The following UBE2E2 variants were observed in gnomAD, a reference collection of about 807,000 sequenced individuals.
UBE2E2 encodes ubiquitin-conjugating enzyme E2 E2.
UBE2E2 carries 6 observed loss-of-function variants against 24.7 expected under a neutral mutation model. The ratio of observed to expected loss-of-function variants is 0.24; its 90% CI spans 0.13 to 0.48. The LOEUF is 0.48. Among genes scored for constraint, UBE2E2 ranks in the 20% least tolerant of loss-of-function variants. The probability of loss-of-function intolerance (pLI) is 0.99; values close to 1 mark genes in which losing one functional copy is unlikely to be tolerated. For synonymous variants in UBE2E2, 104 were observed against 83.6 expected, an observed-to-expected ratio of 1.24 and a Z score of -1.33; for missense variants, 169 against 245.0, an observed-to-expected ratio of 0.69 and a Z score of 2.07.
At chr3:23,216,395 T>C (rs1304684940) in intron 2 of UBE2E2, among the ~76,000 whole-genome samples, 1 of 152,174 alleles carries the variant, frequency 6.6e-6, no homozygotes, top group Admixed American at 6.6e-5. Context: ...TAATCAGTTA[T>C]TATTGATATA....
rs140216878 is a variant in UBE2E2 at position 23,548,753 on chromosome 3, CAGA to C, written c.508+16055_508+16057del. ...ACTCAGTAAAATATTTAAAAACAAA[CAGA>C]AGGACTTCCAAGCCATATTTTTTAT... On this transcript the variant is annotated intron_variant, in intron 5 of 5. Transcript: ENST00000396703. Among the ~76,000 whole-genome samples, 1,013 of 152,230 alleles carry C rather than the reference CAGA, an allele frequency of 6.7e-3. 12 individuals carry two copies. The highest frequency in any genetic ancestry group is 0.023 in the African/African-American group (972 of 41,530).
intron 3 of UBE2E2, among the ~76,000 whole-genome samples, chr3:23,423,747 T>C (rs1032429954): frequency 7.2e-5 from 11 of 152,224 alleles, no homozygotes; most frequent in Non-Finnish European, 1.2e-4. Context: ...ATGGAGTCTT[T>C]ATTATGATAC....
At chr3:23,241,312 C>T (rs1697253512) in intron 3 of UBE2E2, among the ~76,000 whole-genome samples, 2 of 152,214 alleles carry the variant, frequency 1.3e-5, no homozygotes, top group South Asian at 2.1e-4. Context: ...TTGCCACACC[C>T]TCCCAACAGG....
intron 2 of UBE2E2, among the ~76,000 whole-genome samples, chr3:23,211,685 T>C (rs537856582): frequency 6.6e-6 from 1 of 152,264 alleles, no homozygotes; most frequent in African/African-American, 2.4e-5. Flanking sequence ...CATGAACCAC[T>C]GTGCCTAGCC....
At chr3:23,482,768 TA>T (rs1435479843) in intron 3 of UBE2E2, among the ~76,000 whole-genome samples, 1 of 152,186 alleles carries the variant, frequency 6.6e-6, no homozygotes, top group Admixed American at 6.5e-5. Flanking sequence ...AGGAAAAAAG[TA>T]AGTAGAGCAA....
chr3:23,523,801 A>T (rs1004653009), intron 4 of UBE2E2, among the ~76,000 whole-genome samples: 23 of 148,646 alleles, frequency 1.5e-4, no homozygotes, highest in Non-Finnish European at 2.5e-4. Flanking sequence ...TTAAGAAAAG[A>T]GCACTTGAAA....
chr3:23,463,861 C>T (rs753642400), intron 3 of UBE2E2, among the ~76,000 whole-genome samples: 2 of 152,140 alleles, frequency 1.3e-5, no homozygotes, highest in Non-Finnish European at 2.9e-5. Flanking sequence ...GGTCCTCAGT[C>T]TTCCACTCAA....
At chr3:23,572,036 A>G (rs961199621) in intron 5 of UBE2E2, among the ~76,000 whole-genome samples, 1 of 152,198 alleles carries the variant, frequency 6.6e-6, no homozygotes, top group Admixed American at 6.5e-5. Context: ...GGGATAGTTA[A>G]TACCTCTTTT....
rs975983681 is a variant in UBE2E2 at position 23,203,459 on chromosome 3, C to G, written c.-14C>G. On this transcript the variant is annotated 5_prime_UTR_variant, in exon 1 of 6. Coordinates refer to ENST00000396703, the MANE Select transcript of UBE2E2 (RefSeq NM_152653.4). ...CCTGCGACCTGCACGGACACCCCCC[C>G]CTCAGGTATTCGCTCGGGCCGCGCC... 6 of 926,070 alleles carry G rather than the reference C, an allele frequency of 6.5e-6. No homozygotes were observed. In the African/African-American group the frequency reaches 1.1e-4, roughly 17 times the overall value. The allele number at this position is 926,070 out of a possible 1,614,324, so 57.4% of individuals were successfully genotyped here.
intron 3 of UBE2E2, among the ~76,000 whole-genome samples, chr3:23,371,960 A>G (rs1277109039): frequency 1.3e-5 from 2 of 152,028 alleles, no homozygotes; most frequent in African/African-American, 4.8e-5. Context: ...TCTACTAAAA[A>G]TATAAAAATT....
chr3:23,528,892 A>G (rs1443102393), intron 4 of UBE2E2, among the ~76,000 whole-genome samples: 4 of 152,114 alleles, frequency 2.6e-5, no homozygotes, highest in Non-Finnish European at 4.4e-5. Flanking sequence ...TTCTCAGGGC[A>G]GCCCTTCTCC....
Position 23,337,388 on chromosome 3 carries a change from AC to A in UBE2E2, c.227+120079del, listed in dbSNP as rs576547698. 2.4e-3 allele frequency among the ~76,000 whole-genome samples: 360 copies of A among 152,174 alleles called. 2 individuals are homozygous for A. The highest frequency in any genetic ancestry group is 8.3e-3 in the African/African-American group (344 of 41,500). On this transcript the variant is annotated intron_variant, in intron 3 of 5. Transcript: ENST00000396703. ...TAATTCGGCCCTGTTTCTGTGCTGTACCCTGTGTCGAGCACTGGGATGTAAC... is the reference window on the plus strand; with the variant it reads ...TAATTCGGCCCTGTTTCTGTGCTGTACCTGTGTCGAGCACTGGGATGTAAC...
chr3:23,307,963 A>G (rs1271907562), intron 3 of UBE2E2, among the ~76,000 whole-genome samples: 2 of 152,186 alleles, frequency 1.3e-5, no homozygotes, highest in Non-Finnish European at 1.5e-5. Flanking sequence ...GCACGCTTGT[A>G]CATTTCTCCC....
Position 23,299,466 on chromosome 3 carries a change from A to T in UBE2E2, c.227+82154A>T, listed in dbSNP as rs573465231. 5.3e-5 allele frequency among the ~76,000 whole-genome samples: 8 copies of T among 151,720 alleles called. No individual in the cohort carries two copies. The East Asian group carries it at 1.6e-3, about 29-fold the overall frequency. On this transcript the variant is annotated intron_variant, in intron 3 of 5. Transcript: ENST00000396703. ...ACACACTGCTTTGAATGTGTCCCAG[A>T]GATTCTGGTATGTTGTGTCTTTGTT...
At chr3:23,308,541 G>A (rs1224785883) in intron 3 of UBE2E2, among the ~76,000 whole-genome samples, 1 of 152,126 alleles carries the variant, frequency 6.6e-6, no homozygotes, top group Non-Finnish European at 1.5e-5. Context: ...TGTTTACCAT[G>A]TCTTGTAATT....
At chr3:23,488,775 C>T (rs929818370) in intron 3 of UBE2E2, among the ~76,000 whole-genome samples, 7 of 152,088 alleles carry the variant, frequency 4.6e-5, no homozygotes, top group African/African-American at 1.7e-4. Flanking sequence ...AGTTTCCCTG[C>T]CTAACAGGTG....
chr3:23,208,812 C>A lies in UBE2E2; in HGVS notation c.113C>A (p.Pro38His), dbSNP rs775757747. 1 of 1,613,212 alleles carries A rather than the reference C, an allele frequency of 6.2e-7. No individual in the cohort carries two copies. The change falls in exon 2 of 6, where the codon CCC becomes CAC. Residue 38 changes from proline to histidine, a missense_variant. Physicochemically the swap from Pro to His is moderately conservative, Grantham distance 77 (BLOSUM62 -2). This residue lies in a region of UBE2E2 where 64 missense variants were observed against 64.3 expected (regional missense o/e 1.00). Transcript: ENST00000396703. ...QQEPEREQVQ[P>H]KKKEGKISSK... ...GAACCAGAAAGAGAACAAGTTCAGC[C>A]CAAGAAAAAGGAGGGAAAAATATCC...
In UBE2E2 at chr3:23,208,735, A is replaced by C. The variant is rs187265224; in HGVS notation, c.36A>C (p.Pro12=). The part of the protein sequence containing the change: ...STEAQRVDDS[P]STSGGSSDGD... ...AGGCACAAAGAGTTGATGACAGTCC[A>C]AGCACTAGTGGAGGAAGTTCCGATG... The change falls in exon 2 of 6, where the codon CCA becomes CCC. Residue 12 remains proline (P), a synonymous_variant. Coordinates refer to ENST00000396703, the MANE Select transcript of UBE2E2 (RefSeq NM_152653.4). The C allele has an allele frequency of 3.7e-5, 59 of 1,613,312 alleles. No individual in the cohort carries two copies. The East Asian group carries it at 1.3e-3, about 36-fold the overall frequency.
chr3:23,301,017 G>A (rs1018648671), intron 3 of UBE2E2, among the ~76,000 whole-genome samples: 3 of 151,888 alleles, frequency 2.0e-5, no homozygotes, highest in African/African-American at 4.8e-5. Context: ...TTCTCTTCTC[G>A]CTTCATTTCA....
Sources: allele counts gnomAD v4.1 joint callset (sites outside exome capture counted in the v4.1 genomes callset), GRCh38; gene constraint gnomAD v4.1.1; regional missense constraint gnomAD v4.1.1; transcripts MANE v1.5; gene names NCBI Gene and HGNC (gene_info 2026-07-23, HGNC 2026-07-21).